KMT2C: variants seen among roughly 807,000 people sequenced by gnomAD.
The protein encoded by KMT2C is lysine methyltransferase 2C, also known as histone-lysine N-methyltransferase 2C.
In KMT2C, 88 loss-of-function variants were observed where a neutral mutation model predicts 507.9. The ratio of observed to expected loss-of-function variants is 0.17; its 90% CI spans 0.15 to 0.21. KMT2C has a LOEUF of 0.21. Ranked by LOEUF, KMT2C falls within the 10% of genes least tolerant of loss-of-function variation. The probability of loss-of-function intolerance (pLI) is 1.00; values close to 1 mark genes in which losing one functional copy is unlikely to be tolerated. For synonymous variants in KMT2C, 2,049 were observed against 2,080.8 expected (o/e 0.98, Z 0.42); for missense variants, 4,954 against 5,957.8 (o/e 0.83, Z 5.55).
chr7:152,371,625 T>G (rs2097294278), intron 1 of KMT2C, among the ~76,000 whole-genome samples: 1 of 152,076 alleles, frequency 6.6e-6, no homozygotes, highest in South Asian at 2.1e-4. Flanking sequence ...TTCATTTTAT[T>G]TTTTTTGAGA....
chr7:152,179,494 A>G (rs945750584), intron 37 of KMT2C, among the ~76,000 whole-genome samples: 1 of 152,196 alleles, frequency 6.6e-6, no homozygotes, highest in African/African-American at 2.4e-5. Context: ...GAGTCTGTAG[A>G]GTTCTTAGAG....
rs2089915871 is a variant in KMT2C at position 152,136,869 on chromosome 7, T to C, written c.14699A>G (p.His4900Arg). 2 of 1,613,548 alleles carry C rather than the reference T, an allele frequency of 1.2e-6. No individual in the cohort carries two copies. The highest frequency in any genetic ancestry group is 1.3e-5 in the African/African-American group (1 of 74,940). ...CTTCCGGCAGTTCACAGCTCCACAG[T>C]GACACGGAATCTTGTGCTGGTCATC... The part of the protein sequence containing the change: ...FEDDQHKIPC[H>R]CGAVNCRKWM... The change falls in exon 59 of 59, where the codon CAC becomes CGC. Residue 4900 changes from histidine (H) to arginine (R), a missense_variant. Coordinates refer to ENST00000262189, the MANE Select transcript of KMT2C (RefSeq NM_170606.3).
intron 41 of KMT2C, 61 bp downstream of exon 41, chr7:152,169,125 C>T: frequency 1.9e-6 from 2 of 1,057,834 alleles, no homozygotes; most frequent in East Asian, 2.4e-5. Flanking sequence ...TTTAGAACAG[C>T]ACACATAGAG....
intron 1 of KMT2C, among the ~76,000 whole-genome samples, chr7:152,361,314 A>G (rs897037651): frequency 2.6e-5 from 4 of 152,218 alleles, no homozygotes; most frequent in African/African-American, 7.2e-5. Context: ...TAATCCCAGC[A>G]CTTTGGGAGG....
chr7:152,294,885 CA>C (rs2096474964), intron 6 of KMT2C, among the ~76,000 whole-genome samples: 2 of 152,242 alleles, frequency 1.3e-5, no homozygotes, highest in South Asian at 4.1e-4. Context: ...ACCAAAGGAT[CA>C]ATCTTCCATC....
rs2129097504 is a variant in KMT2C at position 152,152,762 on chromosome 7, A to G, written c.12469T>C (p.Leu4157=). ...TGCTTCAGCCGGTAAGAGCTCACTA[A>G]TCTGGGAGGGTTTGCAGATCCTGGC... ...PPPGSANPPR[L]VSSYRLKQPN... is the part of the protein sequence containing the mutation. Residue 4157 remains leucine (L), a synonymous_variant, in exon 49 of 59, where the codon TTA becomes CTA. Coordinates refer to ENST00000262189, the MANE Select transcript of KMT2C (RefSeq NM_170606.3). 1 of 1,614,170 alleles carries G rather than the reference A, an allele frequency of 6.2e-7. No homozygotes were observed. The highest frequency in any genetic ancestry group is 8.5e-7 in the Non-Finnish European group (1 of 1,180,030).
intron 1 of KMT2C, among the ~76,000 whole-genome samples, chr7:152,391,543 C>CTTTTTTTT (rs71198782): frequency 5.1e-5 from 5 of 97,220 alleles, no homozygotes; most frequent in African/African-American, 2.0e-4. Flanking sequence ...CATGCCCGGC[C>CTTTTTTTT]TTTTTTTTTT....
At chr7:152,307,364 G>A (rs2096630547) in intron 6 of KMT2C, among the ~76,000 whole-genome samples, 1 of 148,708 alleles carries the variant, frequency 6.7e-6, no homozygotes, top group African/African-American at 2.5e-5. Flanking sequence ...GAAGGAGAGA[G>A]GGAGAGAGGG....
At chr7:152,358,720 A>G in intron 1 of KMT2C, 45 bp from the exon 2 acceptor site, 1 of 1,260,422 alleles carries the variant, frequency 7.9e-7, no homozygotes. Flanking sequence ...GTTAAATGTT[A>G]AATTTTAAGG....
intron 16 of KMT2C, among the ~76,000 whole-genome samples, chr7:152,234,013 T>G (rs2095203515): frequency 6.6e-6 from 1 of 151,838 alleles, no homozygotes; most frequent in African/African-American, 2.4e-5. Context: ...TGCGCGCCAG[T>G]AATCCCAGCT....
intron 6 of KMT2C, among the ~76,000 whole-genome samples, chr7:152,280,327 G>A (rs960318432): frequency 1.3e-5 from 2 of 152,006 alleles, no homozygotes; most frequent in Non-Finnish European, 2.9e-5. Flanking sequence ...CGGATCACGA[G>A]GTCATGAGAT....
chr7:152,150,896 T>A lies in KMT2C; in HGVS notation c.12774+4A>T, dbSNP rs1228807521. 1 of 1,584,240 alleles carries A rather than the reference T, an allele frequency of 6.3e-7. No homozygotes were observed. The highest frequency in any genetic ancestry group is 1.7e-5 in the Admixed American group (1 of 59,868). On this transcript the variant is annotated splice_donor_region_variant and intron_variant, in intron 51 of 58. Transcript: ENST00000262189. ...GTTATCAGCTGAGATTATCCTAATCTCACCTTGTTTTCTGAGTTTTTCGCT... is the reference window on the plus strand; with the variant it reads ...GTTATCAGCTGAGATTATCCTAATCACACCTTGTTTTCTGAGTTTTTCGCT...
intron 1 of KMT2C, among the ~76,000 whole-genome samples, chr7:152,409,086 C>G (rs2097653682): frequency 6.6e-6 from 1 of 151,910 alleles, no homozygotes; most frequent in Admixed American, 6.6e-5. Context: ...TCACTGCAGT[C>G]TTGACCTCCG....
At chr7:152,389,868 A>G (rs1220494671) in intron 1 of KMT2C, among the ~76,000 whole-genome samples, 1 of 152,228 alleles carries the variant, frequency 6.6e-6, no homozygotes, top group Non-Finnish European at 1.5e-5. Flanking sequence ...TACAGCCATA[A>G]AAAAGAATGG....
At chr7:152,179,668 G>T (rs879448465) in intron 37 of KMT2C, among the ~76,000 whole-genome samples, 166 bp downstream of exon 37, 15 of 143,692 alleles carry the variant, frequency 1.0e-4, no homozygotes, top group South Asian at 2.4e-4. Flanking sequence ...TTGGGGGGGG[G>T]GGGGGGTGGT....
rs192281356 is a variant in KMT2C at position 152,265,273 on chromosome 7, G to A, written c.1013-64C>T. The stretch of plus-strand genomic sequence containing the variant: ...AATTTAAATTTTTTCTGACTATACA[G>A]TAAAATCATTTGAAAGGATTTGCAT... On this transcript the variant is annotated intron_variant, in intron 7 of 58. Transcript: ENST00000262189. 2.4e-4 allele frequency: 375 copies of A among 1,588,872 alleles called. 3 individuals are homozygous for A. The African/African-American group carries it at 4.4e-3, about 19-fold the overall frequency.
intron 6 of KMT2C, among the ~76,000 whole-genome samples, chr7:152,307,396 G>A (rs895724102): frequency 1.3e-5 from 2 of 151,326 alleles, no homozygotes; most frequent in African/African-American, 2.4e-5. Context: ...GAGGAAGGGA[G>A]GGGAGAAGGA....
At chr7:152,289,867 T>A (rs1400466822) in intron 6 of KMT2C, among the ~76,000 whole-genome samples, 1 of 152,042 alleles carries the variant, frequency 6.6e-6, no homozygotes, top group African/African-American at 2.4e-5. Context: ...GCCAACATAG[T>A]GAAACCCCAT....
At position 152,148,340 on chromosome 7, in the gene KMT2C, A is replaced by G. The variant is rs1289313739; in HGVS notation, c.13587T>C (p.Arg4529=). 4 of 1,614,134 alleles carry G rather than the reference A, an allele frequency of 2.5e-6. No individual in the cohort carries two copies. The South Asian group carries it at 3.3e-5, about 13-fold the overall frequency. The part of the protein sequence containing the change: ...FAVFRRVYVQ[R]DEVRQIASIV... ...TGCTAGCAATCTGTCGCACCTCATC[A>G]CGCTGAACATAGACCCTCCTGAAGA... Residue 4529 remains arginine (R), a synonymous_variant, in exon 52 of 59, where the codon CGT becomes CGC. Transcript: ENST00000262189. The surrounding 1 kb of genome is among the most constrained non-coding windows in gnomAD (Gnocchi z 7.1).
Sources: gnomAD v4.1 joint callset for allele counts (sites outside exome capture counted in the v4.1 genomes callset) on GRCh38, gnomAD v4.1.1 for gene constraint, Gnocchi (gnomAD v3.1) non-coding constraint, MANE v1.5 for transcripts, NCBI Gene and HGNC (gene_info 2026-07-23, HGNC 2026-07-21) for gene names.